Variants in MTUS2 observed in about 807,000 individuals in gnomAD.
The protein encoded by MTUS2 is microtubule-associated tumor suppressor candidate 2.
MTUS2 carries 40 observed loss-of-function variants against 114.1 expected under a neutral mutation model. The ratio of observed to expected loss-of-function variants is 0.35; its 90% CI spans 0.27 to 0.46. The LOEUF (loss-of-function observed/expected upper bound fraction) is 0.46. Among genes scored for constraint, MTUS2 ranks in the 20% least tolerant of loss-of-function variants. The pLI is 1.00. For synonymous variants in MTUS2, 688 were observed against 672.0 expected (o/e 1.02, Z -0.37); for missense variants, 1,679 against 1,705.4 (o/e 0.98, Z 0.27).
chr13:29,466,636 G>A (rs1030626276), intron 9 of MTUS2, among the ~76,000 whole-genome samples: 1 of 152,098 alleles, frequency 6.6e-6, no homozygotes, highest in Non-Finnish European at 1.5e-5. Flanking sequence ...CAGCACTTTG[G>A]GAGGCTGAGG....
chr13:29,391,643 GTT>G (rs35184621), intron 8 of MTUS2, among the ~76,000 whole-genome samples: 18 of 148,830 alleles, frequency 1.2e-4, no homozygotes, highest in East Asian at 9.8e-4. Context: ...TTTTTAAAAT[GTT>G]TTTTTTTTTC....
intron 7 of MTUS2, among the ~76,000 whole-genome samples, chr13:29,325,923 A>G (rs1456114635): frequency 3.3e-5 from 5 of 152,224 alleles, no homozygotes; most frequent in Non-Finnish European, 7.3e-5. Flanking sequence ...CCGGACTTAC[A>G]TTGTTAGTTG....
intron 5 of MTUS2, among the ~76,000 whole-genome samples, chr13:29,215,574 T>C (rs1009770034): frequency 7.2e-5 from 11 of 152,022 alleles, no homozygotes; most frequent in Non-Finnish European, 1.2e-4. Flanking sequence ...CATGTTCTTT[T>C]TGTTGATGTT....
At chr13:28,963,495 T>A (rs767818145) in intron 2 of MTUS2, among the ~76,000 whole-genome samples, 5 of 152,208 alleles carry the variant, frequency 3.3e-5, no homozygotes, top group Non-Finnish European at 5.9e-5. Context: ...ATGGTCTGTT[T>A]AAACACAGCA....
At chr13:29,282,053 C>G (rs1019818902) in intron 6 of MTUS2, among the ~76,000 whole-genome samples, 188 bp downstream of exon 6, 2 of 152,222 alleles carry the variant, frequency 1.3e-5, no homozygotes, top group Non-Finnish European at 2.9e-5. Flanking sequence ...TCGTAACTGC[C>G]TCTCACTCTT....
chr13:29,232,259 A>G (rs1896352483), intron 5 of MTUS2, among the ~76,000 whole-genome samples: 1 of 151,838 alleles, frequency 6.6e-6, no homozygotes, highest in Non-Finnish European at 1.5e-5. Context: ...TGTGTAGGCC[A>G]AACAGAATAT....
intron 2 of MTUS2, among the ~76,000 whole-genome samples, chr13:28,938,728 G>A (rs1334803524): frequency 6.6e-6 from 1 of 152,108 alleles, no homozygotes. Flanking sequence ...AAGGACAAAT[G>A]TTTTACTTTA....
chr13:29,034,077 C>A lies in MTUS2; in HGVS notation c.2398C>A (p.Pro800Thr). The A allele has an allele frequency of 6.2e-7, 1 of 1,614,012 alleles. No individual in the cohort carries two copies. The highest frequency in any genetic ancestry group is 2.2e-5 in the East Asian group (1 of 44,880). Reference sequence around the variant, plus strand: ...GTCTTCAGCGAGCGCCATCCACCCACCAGGACCCATAACAACAGCCACCAG... The same window carrying A: ...GTCTTCAGCGAGCGCCATCCACCCAACAGGACCCATAACAACAGCCACCAG... ...QRSSASAIHP[P>T]GPITTATSLY... The change falls in exon 4 of 16, where the codon CCA (proline) becomes ACA (threonine). Residue 800 changes from proline (P) to threonine (T), a missense_variant. Pro to Thr is a conservative substitution (Grantham distance 38, BLOSUM62 -1). This residue lies in a region of MTUS2 where 822 missense variants were observed against 899.7 expected (regional missense o/e 0.91). Coordinates refer to ENST00000612955, the MANE Select transcript of MTUS2 (RefSeq NM_001033602.4).
chr13:29,083,050 C>T (rs1048000888), intron 4 of MTUS2, among the ~76,000 whole-genome samples: 1 of 152,040 alleles, frequency 6.6e-6, no homozygotes, highest in Non-Finnish European at 1.5e-5. Context: ...GCTTCCTGAA[C>T]CCAAAAAAGC....
At chr13:29,227,258 C>CAAAAAAAAAAAA (rs10680419) in intron 5 of MTUS2, among the ~76,000 whole-genome samples, 3 of 120,646 alleles carry the variant, frequency 2.5e-5, no homozygotes, top group Non-Finnish European at 3.4e-5. Flanking sequence ...GACTCCGTCT[C>CAAAAAAAAAAAA]AAAAAAAAAA....
chr13:29,314,725 T>C (rs558189265), intron 6 of MTUS2, among the ~76,000 whole-genome samples: 48 of 152,316 alleles, frequency 3.2e-4, no homozygotes, highest in African/African-American at 1.1e-3. Flanking sequence ...TTGTTGTTGT[T>C]TAAAACCTTG....
At chr13:29,346,485 G>A (rs565795448) in intron 7 of MTUS2, among the ~76,000 whole-genome samples, 11 of 151,960 alleles carry the variant, frequency 7.2e-5, no homozygotes, top group African/African-American at 2.7e-4. Context: ...GGGACTGGGG[G>A]AAAGCTGGCA....
At chr13:29,177,878 C>T (rs1487254100) in intron 5 of MTUS2, among the ~76,000 whole-genome samples, 1 of 152,148 alleles carries the variant, frequency 6.6e-6, no homozygotes, top group Non-Finnish European at 1.5e-5. Flanking sequence ...AGGAAACCCA[C>T]CACTGTTATC....
chr13:29,306,405 A>G (rs1025166391), intron 6 of MTUS2, among the ~76,000 whole-genome samples: 2 of 152,208 alleles, frequency 1.3e-5, no homozygotes, highest in Non-Finnish European at 2.9e-5. Flanking sequence ...TCTCAGCCCA[A>G]AAGTTTCCTA....
chr13:29,480,428 C>T lies in MTUS2; in HGVS notation c.3399+64C>T. On this transcript the variant is annotated intron_variant, in intron 10 of 15. Transcript: ENST00000612955. This position sits in a 1 kb window ranked among gnomAD's most constrained non-coding sequence, Gnocchi z 4.4. The stretch of plus-strand genomic sequence containing the variant: ...ATGCAGGTGGCGGGCGGCGGGGATC[C>T]AGTGCCACATTAGCAAGAAGTCCTA... 6.9e-7 allele frequency: 1 copy of T among 1,442,570 alleles called. No homozygotes were observed. Among genetic ancestry groups the T allele is most frequent in the African/African-American group, 1.4e-5 (1 of 69,782 alleles). The allele number at this position is 1,442,570 out of a possible 1,614,324, so 89.4% of individuals were successfully genotyped here.
In MTUS2 at chr13:29,316,877, C is replaced by T. The variant is rs543475019; in HGVS notation, c.2807-7736C>T. ...TATAAATGCTTATGATAAATATTTC[C>T]CCCAAAAGTGTAACTTCCGTTACAG... On this transcript the variant is annotated intron_variant, in intron 6 of 15. Transcript: ENST00000612955. Among the ~76,000 whole-genome samples the T allele has an allele frequency of 2.6e-5, 4 of 152,238 alleles. No individual in the cohort carries two copies. The South Asian group carries it at 8.3e-4, about 32-fold the overall frequency.
chr13:28,979,177 A>G (rs1884247926), intron 2 of MTUS2, among the ~76,000 whole-genome samples: 1 of 152,214 alleles, frequency 6.6e-6, no homozygotes. Flanking sequence ...TTAAGTAGGT[A>G]GCGTGACCAG....
rs762116414 is a variant in MTUS2, at chr13:29,501,143, A to T, written c.3845A>T (p.Gln1282Leu). 3 of 1,614,102 alleles carry T rather than the reference A, an allele frequency of 1.9e-6. No individual in the cohort carries two copies. The highest frequency in any genetic ancestry group is 2.5e-6 in the Non-Finnish European group (3 of 1,180,038). The change falls in exon 15 of 16, where the codon CAG becomes CTG. Residue 1282 changes from glutamine (Q) to leucine (L), a missense_variant. Around this residue, in one of 3 missense-constraint regions of MTUS2, gnomAD observed 822 missense variants for 899.7 expected, o/e 0.91. Coordinates refer to ENST00000612955, the MANE Select transcript of MTUS2 (RefSeq NM_001033602.4). ...ILEEKIQVLQ[Q>L]QNEDLKARID... ...GAAGAAAAGATCCAGGTTCTCCAAC[A>T]GCAGAACGAAGACCTCAAAGCAAGG...
chr13:28,992,717 T>G (rs1884916735), intron 2 of MTUS2, among the ~76,000 whole-genome samples: 1 of 152,216 alleles, frequency 6.6e-6, no homozygotes, highest in Non-Finnish European at 1.5e-5. Flanking sequence ...TGCTCATATT[T>G]AAAATTTTCT....
Sources: gnomAD v4.1 joint callset for allele counts (sites outside exome capture counted in the v4.1 genomes callset) on GRCh38, gnomAD v4.1.1 for gene constraint, gnomAD v4.1.1 regional missense constraint, Gnocchi (gnomAD v3.1) non-coding constraint, MANE v1.5 for transcripts, NCBI Gene and HGNC (gene_info 2026-07-23, HGNC 2026-07-21) for gene names.